CCDC170: variants seen among roughly 807,000 people sequenced by gnomAD.
CCDC170 encodes coiled-coil domain-containing protein 170.
Under a neutral mutation model 72.6 loss-of-function variants are expected in CCDC170, and 69 were observed. That is an observed-to-expected ratio of 0.95 (90% CI 0.78 to 1.16). The LOEUF (loss-of-function observed/expected upper bound fraction) is 1.16. Among genes scored for constraint, CCDC170 ranks in the 50% most tolerant of loss-of-function variants. CCDC170 has a pLI of 0.00. For synonymous variants in CCDC170, 300 were observed against 303.9 expected (o/e 0.99, Z 0.13); for missense variants, 852 against 832.5 (o/e 1.02, Z -0.29).
chr6:151,508,569 C>T (rs1334633788), intron 1 of CCDC170, among the ~76,000 whole-genome samples: 4 of 151,260 alleles, frequency 2.6e-5, no homozygotes, highest in Admixed American at 6.6e-5. Context: ...AAAAATTAGC[C>T]GGGAGTGGTA....
At chr6:151,617,063 G>A (rs1776979900) in intron 10 of CCDC170, among the ~76,000 whole-genome samples, 1 of 152,146 alleles carries the variant, frequency 6.6e-6, no homozygotes, top group Non-Finnish European at 1.5e-5. Context: ...GCCTGGGGTG[G>A]GACTGTTTGG....
At chr6:151,558,356 C>T (rs1158790010) in intron 5 of CCDC170, among the ~76,000 whole-genome samples, 3 of 148,948 alleles carry the variant, frequency 2.0e-5, no homozygotes, top group Non-Finnish European at 4.4e-5. Flanking sequence ...GTTGTTTCTT[C>T]ACCCTGTTGA....
In CCDC170 at chr6:151,604,904, C is replaced by A. The variant is rs201669655; in HGVS notation, c.1710+8327C>A. Among the ~76,000 whole-genome samples the A allele has an allele frequency of 2.2e-4, 33 of 152,196 alleles. 1 individual carries two copies. The East Asian group carries it at 3.9e-3, about 18-fold the overall frequency. On this transcript the variant is annotated intron_variant, in intron 9 of 10. Coordinates refer to ENST00000239374, the MANE Select transcript of CCDC170 (RefSeq NM_025059.4). The stretch of plus-strand genomic sequence containing the variant: ...ATCATTTATTTTAGTTGGAAACATT[C>A]AAAATCTTCTCTTCTAGCTATTTGA...
At chr6:151,606,272 C>G (rs533461787) in intron 9 of CCDC170, among the ~76,000 whole-genome samples, 1 of 152,282 alleles carries the variant, frequency 6.6e-6, no homozygotes, top group East Asian at 1.9e-4. Context: ...AAACTTTTCT[C>G]TTAGTACTGC....
chr6:151,596,407 C>A lies in CCDC170; in HGVS notation c.1540C>A (p.Leu514Met). The A allele has an allele frequency of 1.9e-6, 3 of 1,614,046 alleles. No individual in the cohort carries two copies. Among genetic ancestry groups the A allele is most frequent in the Non-Finnish European group, 2.5e-6 (3 of 1,180,016 alleles). The part of the protein sequence containing the change: ...MSLLRQKIAQ[L>M]EEEKQARTAL... ...CCTCCTCCGGCAGAAAATAGCCCAG[C>A]TGGAGGAGGAGAAGCAGGCACGCAC... is the stretch of plus-strand genomic sequence containing the variant. The change falls in exon 9 of 11, where the codon CTG becomes ATG. Residue 514 changes from leucine (L) to methionine (M), a missense_variant. Physicochemically the swap from Leu to Met is conservative, Grantham distance 15. Coordinates refer to ENST00000239374, the MANE Select transcript of CCDC170 (RefSeq NM_025059.4).
intron 7 of CCDC170, among the ~76,000 whole-genome samples, chr6:151,588,388 C>T (rs1776486313): frequency 1.3e-5 from 2 of 152,142 alleles, no homozygotes; most frequent in South Asian, 4.1e-4. Flanking sequence ...TATCTGCCAC[C>T]ACAGATAAGC....
At chr6:151,504,719 A>C (rs1479436532) in intron 1 of CCDC170, among the ~76,000 whole-genome samples, 1 of 151,984 alleles carries the variant, frequency 6.6e-6, no homozygotes. Context: ...CCATCAGGAC[A>C]TGCAAATGAT....
At chr6:151,565,340 A>T (rs1776117998) in intron 5 of CCDC170, among the ~76,000 whole-genome samples, 3 of 152,130 alleles carry the variant, frequency 2.0e-5, no homozygotes, top group Admixed American at 2.0e-4. Flanking sequence ...CGGTCTGCAG[A>T]CAGCTCCCTA....
intron 1 of CCDC170, among the ~76,000 whole-genome samples, chr6:151,527,019 G>C (rs1028204705): frequency 4.6e-5 from 7 of 150,930 alleles, no homozygotes; most frequent in African/African-American, 1.7e-4. Flanking sequence ...TGAGTAGCTG[G>C]GACTAGAGGT....
At chr6:151,511,550 A>G (rs1191902955) in intron 1 of CCDC170, among the ~76,000 whole-genome samples, 3 of 152,234 alleles carry the variant, frequency 2.0e-5, no homozygotes, top group East Asian at 3.8e-4. Context: ...GGATAAAAAT[A>G]TAATTGATTT....
chr6:151,525,668 C>G (rs954972398), intron 1 of CCDC170, among the ~76,000 whole-genome samples: 3 of 152,206 alleles, frequency 2.0e-5, no homozygotes, highest in Non-Finnish European at 1.5e-5. Context: ...TTTGCTGACT[C>G]TCTTTTTGGA....
intron 5 of CCDC170, among the ~76,000 whole-genome samples, chr6:151,569,828 G>A (rs1319526994): frequency 6.6e-6 from 1 of 152,086 alleles, no homozygotes; most frequent in Admixed American, 6.6e-5. Context: ...CATCCCCAAG[G>A]CCTTGTCACT....
chr6:151,614,471 T>A (rs573547746), intron 9 of CCDC170, among the ~76,000 whole-genome samples: 5 of 152,114 alleles, frequency 3.3e-5, no homozygotes, highest in Admixed American at 6.6e-5. Flanking sequence ...TTTTTTTTTC[T>A]TGAGACTGAG....
At position 151,618,236 on chromosome 6, in the gene CCDC170, T is replaced by C. The variant is rs1280443837; in HGVS notation, c.*89T>C. The C allele has an allele frequency of 8.6e-7, 1 of 1,156,702 alleles. No homozygotes were observed. Among genetic ancestry groups the C allele is most frequent in the African/African-American group, 1.5e-5 (1 of 65,008 alleles). The allele number at this position is 1,156,702 out of a possible 1,614,324, so 71.7% of individuals were successfully genotyped here. A position where few individuals can be genotyped will look rare whatever the true frequency, so the allele number is the denominator to read the frequency against. ...CCTCATGTCTTTGAGATTTGATCAG[T>C]TTGTGAATATTTTATGCTTTGATGA... On this transcript the variant is annotated 3_prime_UTR_variant, in exon 11 of 11. Transcript: ENST00000239374.
Position 151,566,653 on chromosome 6 carries a change from T to A in CCDC170, c.775-6521T>A, listed in dbSNP as rs1412283918. 2.0e-5 allele frequency among the ~76,000 whole-genome samples: 3 copies of A among 152,154 alleles called. No individual in the cohort carries two copies. The East Asian group carries it at 5.8e-4, about 29-fold the overall frequency. On this transcript the variant is annotated intron_variant, in intron 5 of 10. Transcript: ENST00000239374. ...AGAGAAAGAATAGAATTACCCAAAT[T>A]GTACACATTCTTCTTTGTGTGTAGG...
chr6:151,599,024 C>A (rs1284232485), intron 9 of CCDC170, among the ~76,000 whole-genome samples: 2 of 151,970 alleles, frequency 1.3e-5, no homozygotes, highest in African/African-American at 4.8e-5. Flanking sequence ...TCCAAAGAAG[C>A]TAGAAAAGAA....
chr6:151,548,906 GT>G (rs71014596), intron 5 of CCDC170, among the ~76,000 whole-genome samples: 6 of 148,760 alleles, frequency 4.0e-5, no homozygotes, highest in African/African-American at 1.5e-4. Flanking sequence ...TTGTTTGTTT[GT>G]TTTTTTTGTT....
chr6:151,555,016 C>CTACAGGCAATGTTGTTCAGACTTTG (rs1487425402), intron 5 of CCDC170, among the ~76,000 whole-genome samples: 1 of 150,980 alleles, frequency 6.6e-6, no homozygotes, highest in Non-Finnish European at 1.5e-5. Context: ...GTAGCTGGGA[C>CTACAGGCAATGTTGTTCAGACTTTG]TACAGGCACC....
intron 1 of CCDC170, among the ~76,000 whole-genome samples, chr6:151,495,378 T>C (rs1781893561): frequency 1.3e-5 from 2 of 152,188 alleles, no homozygotes; most frequent in South Asian, 2.1e-4. Flanking sequence ...AAGTATGTGG[T>C]ATTTTTATAT....
Sources: allele counts gnomAD v4.1 joint callset (sites outside exome capture counted in the v4.1 genomes callset), GRCh38; gene constraint gnomAD v4.1.1; transcripts MANE v1.5; gene names NCBI Gene and HGNC (gene_info 2026-07-23, HGNC 2026-07-21).